The following VPS37A variants were observed in gnomAD, a reference collection of about 807,000 sequenced individuals.
VPS37A encodes VPS37A subunit of ESCRT-I.
A neutral mutation model predicts 49.8 loss-of-function variants in VPS37A; 30 were observed. The observed-to-expected ratio is 0.60, with a 90% CI of 0.45 to 0.82. The LOEUF (loss-of-function observed/expected upper bound fraction) is 0.82. Ranked by LOEUF, VPS37A falls within the 40% of genes least tolerant of loss-of-function variation. The pLI is 0.00. For missense variants in VPS37A, 593 were observed against 464.4 expected (o/e 1.28, Z -2.55); for synonymous variants, 195 against 160.6 (o/e 1.21, Z -1.62).
the VPS37A span, among the ~76,000 whole-genome samples, chr8:17,319,641 A>G: frequency 2.0e-5 from 3 of 152,190 alleles, no homozygotes; most frequent in Non-Finnish European, 4.4e-5. Context: ...TTCAATCCTC[A>G]AACAATCATT....
chr8:17,302,468 C>A (rs1205337893), downstream of VPS37A: 1 of 535,390 alleles, frequency 1.9e-6, no homozygotes. Flanking sequence ...TCAGTAAATG[C>A]CTTTTGGGGA....
chr8:17,254,510 C>T (rs114289260), intron 1 of VPS37A, among the ~76,000 whole-genome samples: 1 of 152,188 alleles, frequency 6.6e-6, no homozygotes, highest in African/African-American at 2.4e-5. Flanking sequence ...CTTCTTCCCC[C>T]CAAACTCTTA....
chr8:17,269,648 A>C (rs1317966061), intron 4 of VPS37A, among the ~76,000 whole-genome samples: 5 of 152,166 alleles, frequency 3.3e-5, no homozygotes, highest in African/African-American at 1.2e-4. Context: ...GTTACTCTCT[A>C]TAACATTTGA....
chr8:17,284,034 C>T (rs1815352949), intron 9 of VPS37A, among the ~76,000 whole-genome samples: 1 of 152,092 alleles, frequency 6.6e-6, no homozygotes, highest in Non-Finnish European at 1.5e-5. Flanking sequence ...ATCAGTCTTT[C>T]ACTGCTTTAG....
At chr8:17,280,774 T>C (rs1457038780) in intron 9 of VPS37A, among the ~76,000 whole-genome samples, 1 of 151,954 alleles carries the variant, frequency 6.6e-6, no homozygotes, top group Non-Finnish European at 1.5e-5. Flanking sequence ...TAAGCTTATC[T>C]ACAAATACCT....
At chr8:17,261,365 C>A (rs1585952655) in intron 1 of VPS37A, among the ~76,000 whole-genome samples, 1 of 152,206 alleles carries the variant, frequency 6.6e-6, no homozygotes, top group Non-Finnish European at 1.5e-5. Flanking sequence ...TGATAAATTT[C>A]TGAATTTTTT....
intron 6 of VPS37A, among the ~76,000 whole-genome samples, chr8:17,277,790 T>C (rs1267680751): frequency 2.6e-5 from 4 of 151,802 alleles, no homozygotes; most frequent in Non-Finnish European, 4.4e-5. Flanking sequence ...GTTCCACCTA[T>C]TGCATTTGGA....
intron 1 of VPS37A, among the ~76,000 whole-genome samples, chr8:17,253,968 A>G (rs940708467): frequency 6.6e-6 from 1 of 152,036 alleles, no homozygotes; most frequent in Non-Finnish European, 1.5e-5. Flanking sequence ...TTTCATTCTT[A>G]TATCAGTTGT....
the VPS37A span, among the ~76,000 whole-genome samples, chr8:17,319,367 T>C: frequency 1.3e-5 from 2 of 152,238 alleles, no homozygotes; most frequent in African/African-American, 4.8e-5. Flanking sequence ...TTGTATTATC[T>C]GTGCCTCCAG....
intron 1 of VPS37A, among the ~76,000 whole-genome samples, chr8:17,264,038 A>G (rs1483219059): frequency 6.6e-6 from 1 of 152,172 alleles, no homozygotes. Flanking sequence ...TTTATTGAAC[A>G]CTTATTTGCC....
At chr8:17,330,000 A>G in the VPS37A span, among the ~76,000 whole-genome samples, 2 of 152,216 alleles carry the variant, frequency 1.3e-5, no homozygotes, top group African/African-American at 4.8e-5. Flanking sequence ...TGGAAGACCC[A>G]TAGAAAGTAT....
downstream of VPS37A, chr8:17,298,319 T>C (rs1816872984): frequency 6.6e-6 from 1 of 152,136 alleles, no homozygotes; most frequent in Admixed American, 6.5e-5. Flanking sequence ...GCCCAAATTT[T>C]ATATTCTGAA....
the VPS37A span, among the ~76,000 whole-genome samples, chr8:17,332,674 T>C: frequency 6.6e-6 from 1 of 152,236 alleles, no homozygotes; most frequent in Non-Finnish European, 1.5e-5. Flanking sequence ...TTTTGCACCA[T>C]TGTAAAAAGC....
the VPS37A span, chr8:17,313,374 C>T: frequency 6.2e-7 from 1 of 1,612,078 alleles, no homozygotes; most frequent in Non-Finnish European, 8.5e-7. Flanking sequence ...CAGGAAATCA[C>T]TCATGGAGGG....
intron 9 of VPS37A, among the ~76,000 whole-genome samples, chr8:17,281,391 AC>A (rs1815040295): frequency 6.6e-6 from 1 of 152,068 alleles, no homozygotes; most frequent in Non-Finnish European, 1.5e-5. Context: ...GTGAGACTCA[AC>A]TGAAGTACTG....
At chr8:17,326,077 C>T in the VPS37A span, among the ~76,000 whole-genome samples, 9 of 152,262 alleles carry the variant, frequency 5.9e-5, no homozygotes, top group Admixed American at 3.9e-4. Context: ...TTCAAGTTTA[C>T]GCAGAGACTC....
At chr8:17,320,794 G>A in the VPS37A span, among the ~76,000 whole-genome samples, 1 of 152,162 alleles carries the variant, frequency 6.6e-6, no homozygotes, top group Non-Finnish European at 1.5e-5. Flanking sequence ...CTGAAACACG[G>A]CCCAGTGGAA....
downstream of VPS37A, chr8:17,300,045 A>C (rs765331226): frequency 1.9e-6 from 3 of 1,614,034 alleles, no homozygotes; most frequent in East Asian, 4.5e-5. Flanking sequence ...TCAGAGCAGA[A>C]TCTTCATCGC....
downstream of VPS37A, chr8:17,305,630 C>G: frequency 7.0e-6 from 5 of 709,636 alleles, no homozygotes; most frequent in Non-Finnish European, 9.0e-6. Flanking sequence ...GAAAATAAAA[C>G]TAATCTGTCA....
Sources: allele counts gnomAD v4.1 joint callset (sites outside exome capture counted in the v4.1 genomes callset), GRCh38; gene constraint gnomAD v4.1.1; transcripts MANE v1.5; gene names NCBI Gene and HGNC (gene_info 2026-07-23, HGNC 2026-07-21).